Variants in LRRC37B observed in about 807,000 individuals in gnomAD.
The protein encoded by LRRC37B is leucine rich repeat containing 37B.
LRRC37B carries 28 observed loss-of-function variants against 98.3 expected under a neutral mutation model. The observed-to-expected ratio is 0.28, with a 90% CI of 0.21 to 0.39. LRRC37B has a LOEUF of 0.39. Among genes scored for constraint, LRRC37B ranks in the 10% least tolerant of loss-of-function variants. The pLI is 1.00. For synonymous variants in LRRC37B, 364 were observed against 442.7 expected (o/e 0.82, Z 2.23); for missense variants, 938 against 1,182.7 (o/e 0.79, Z 3.03).
At chr17:32,052,774 T>TAATAAA (rs1021404844) in intron 11 of LRRC37B, 2 of 152,252 alleles carry the variant, frequency 1.3e-5, no homozygotes, top group African/African-American at 4.8e-5. Context: ...ACCTTGTCTT[T>TAATAAA]AATAAAAATA....
chr17:32,022,660 C>T (rs764797755), exon 1 of LRRC37B: 1 of 1,613,894 alleles, frequency 6.2e-7, no homozygotes, highest in African/African-American at 1.3e-5. Flanking sequence ...TTGGTGCAGT[C>T]TGAAACTGCA....
At chr17:32,027,311 G>A (rs1910982859) in intron 2 of LRRC37B, among the ~76,000 whole-genome samples, 1 of 152,108 alleles carries the variant, frequency 6.6e-6, no homozygotes, top group Non-Finnish European at 1.5e-5. Flanking sequence ...GAGTGGAGCA[G>A]TGTGCTTGTG....
chr17:32,016,611 G>A (rs1397738428), upstream of LRRC37B, among the ~76,000 whole-genome samples: 2 of 152,158 alleles, frequency 1.3e-5, no homozygotes. Context: ...GAATTATTTG[G>A]GGAGAAGGAT....
chr17:32,035,453 T>C, intron 6 of LRRC37B, 112 bp from the exon 10 acceptor site: 1 of 1,179,696 alleles, frequency 8.5e-7, no homozygotes, highest in Non-Finnish European at 1.2e-6. Context: ...TTGAAGTGGC[T>C]TGTTTTATAG....
chr17:32,039,502 ATATATATATATATATATATATG>A (rs1391977796), intron 7 of LRRC37B, among the ~76,000 whole-genome samples: 3,241 of 57,100 alleles, frequency 0.057, 244 homozygotes, highest in Non-Finnish European at 0.069. Flanking sequence ...ATATATATAT[ATATATATATATATATATATATG>A]TATGTATTTT....
intron 9 of LRRC37B, chr17:32,048,153 G>A (rs1167966625): frequency 1.3e-5 from 10 of 779,856 alleles, no homozygotes. Flanking sequence ...TAGAAACTGT[G>A]CAACCACAGG....
At chr17:32,018,578 G>A (rs1209073555), upstream of LRRC37B, among the ~76,000 whole-genome samples, 2 of 152,098 alleles carry the variant, frequency 1.3e-5, no homozygotes, top group African/African-American at 4.8e-5. Flanking sequence ...CACAGGAGAG[G>A]GGTTAGTCTC....
intron 8 of LRRC37B, 188 bp from the exon 12 acceptor site, chr17:32,047,573 A>G (rs1394158851): frequency 5.3e-6 from 4 of 760,218 alleles, no homozygotes; most frequent in East Asian, 5.4e-5. Context: ...GTAGGTGGCC[A>G]TGTCTTTTCC....
At chr17:32,039,338 G>T (rs561094887) in intron 7 of LRRC37B, among the ~76,000 whole-genome samples, 1 of 149,816 alleles carries the variant, frequency 6.7e-6, no homozygotes, top group Admixed American at 6.7e-5. Context: ...TTCACCAGGT[G>T]TGATGGCACA....
intron 5 of LRRC37B, among the ~76,000 whole-genome samples, chr17:32,032,426 C>T (rs894021882): frequency 6.6e-6 from 1 of 152,162 alleles, no homozygotes; most frequent in African/African-American, 2.4e-5. Context: ...ATATACTTTC[C>T]TGACTACTCT....
exon 1 of LRRC37B, chr17:32,021,081 A>G: frequency 1.2e-6 from 2 of 1,613,252 alleles, no homozygotes; most frequent in Non-Finnish European, 1.7e-6. Context: ...ACACGCTTAT[A>G]AGGGGCATGA....
chr17:32,007,608 A>G (rs1181163893), upstream of LRRC37B, among the ~76,000 whole-genome samples: 1 of 151,366 alleles, frequency 6.6e-6, no homozygotes, highest in Non-Finnish European at 1.5e-5. The surrounding 1 kb of genome is among the most constrained non-coding windows in gnomAD (Gnocchi z 4.1). Flanking sequence ...GGCTCCAACA[A>G]GAGGGGCCGG....
At chr17:32,031,105 T>G (rs1911095455) in intron 4 of LRRC37B, among the ~76,000 whole-genome samples, 1 of 151,820 alleles carries the variant, frequency 6.6e-6, no homozygotes, top group African/African-American at 2.4e-5. Flanking sequence ...TAGTCCAAAA[T>G]GTCGATGGTA....
intron 1 of LRRC37B, among the ~76,000 whole-genome samples, chr17:32,023,789 C>T (rs1274265845): frequency 6.6e-6 from 1 of 152,084 alleles, no homozygotes; most frequent in South Asian, 2.1e-4. Flanking sequence ...TGTGTCAAAC[C>T]CAGGACCAAG....
At chr17:32,027,309 C>CA (rs1910982769) in intron 2 of LRRC37B, among the ~76,000 whole-genome samples, 1 of 151,688 alleles carries the variant, frequency 6.6e-6, no homozygotes, top group African/African-American at 2.4e-5. Context: ...AAGAGTGGAG[C>CA]AGTGTGCTTG....
At chr17:32,048,622 T>C (rs1239098567) in intron 9 of LRRC37B, among the ~76,000 whole-genome samples, 1 of 152,114 alleles carries the variant, frequency 6.6e-6, no homozygotes, top group Non-Finnish European at 1.5e-5. Context: ...CAATCACACA[T>C]TCCAGAAAAA....
chr17:32,040,447 G>C (rs1263316909), intron 7 of LRRC37B: 2 of 579,262 alleles, frequency 3.5e-6, no homozygotes, highest in Non-Finnish European at 3.2e-6. Context: ...GTCGGTTGCA[G>C]GGCTGAAAAA....
upstream of LRRC37B, chr17:32,007,764 G>T: frequency 8.4e-7 from 1 of 1,192,606 alleles, no homozygotes; most frequent in South Asian, 4.2e-5. The surrounding 1 kb of genome is among the most constrained non-coding windows in gnomAD (Gnocchi z 4.1). Flanking sequence ...CAGCCGCCAG[G>T]CTGAGGTGGC....
intron 3 of LRRC37B, among the ~76,000 whole-genome samples, 173 bp from the exon 7 acceptor site, chr17:32,030,483 T>C (rs139078362): frequency 6.6e-6 from 1 of 150,524 alleles, no homozygotes; most frequent in Non-Finnish European, 1.5e-5. Context: ...AAGGCGAGAC[T>C]CTAGGAGAGG....
Sources: gnomAD v4.1 joint callset for allele counts (sites outside exome capture counted in the v4.1 genomes callset) on GRCh38, gnomAD v4.1.1 for gene constraint, Gnocchi (gnomAD v3.1) non-coding constraint, MANE v1.5 for transcripts, NCBI Gene and HGNC (gene_info 2026-07-23, HGNC 2026-07-21) for gene names.